Variants in NECAB2 observed in about 807,000 individuals in gnomAD.
NECAB2 encodes N-terminal EF-hand calcium binding protein 2.
In NECAB2, 68 loss-of-function variants were observed where a neutral mutation model predicts 51.9. The observed-to-expected ratio is 1.31, with a 90% CI of 1.08 to 1.60. The LOEUF (loss-of-function observed/expected upper bound fraction) is 1.60. Ranked by LOEUF, NECAB2 falls within the 40% of genes most tolerant of loss-of-function variation. The pLI is 0.00. For synonymous variants in NECAB2, 329 were observed against 203.5 expected, an observed-to-expected ratio of 1.62 and a Z score of -5.25; for missense variants, 854 against 490.3, an observed-to-expected ratio of 1.74 and a Z score of -7.00.
chr16:83,993,893 G>A (rs551393489), intron 6 of NECAB2, among the ~76,000 whole-genome samples: 3 of 152,288 alleles, frequency 2.0e-5, no homozygotes, highest in African/African-American at 7.2e-5. Flanking sequence ...CCACCCCAGA[G>A]GGCACCAAAC....
At chr16:83,996,722 C>T (rs189100296) in intron 8 of NECAB2, among the ~76,000 whole-genome samples, 3 of 152,242 alleles carry the variant, frequency 2.0e-5, no homozygotes, top group Non-Finnish European at 4.4e-5. Flanking sequence ...CCTGTGTGGG[C>T]ACCAGTCGTG....
chr16:83,995,274 C>A (rs142683232), intron 8 of NECAB2, among the ~76,000 whole-genome samples: 45 of 152,242 alleles, frequency 3.0e-4, no homozygotes, highest in African/African-American at 1.0e-3. Context: ...GTCTTAGGGC[C>A]TACAGACAGA....
At chr16:83,994,476 TGA>T in intron 7 of NECAB2, 56 bp downstream of exon 7, 1 of 1,596,160 alleles carries the variant, frequency 6.3e-7, no homozygotes, top group East Asian at 2.2e-5. Flanking sequence ...CGAGGAGTTC[TGA>T]GAGTCCTCTG....
chr16:83,977,402 C>T (rs182956464), intron 2 of NECAB2, among the ~76,000 whole-genome samples: 8 of 152,206 alleles, frequency 5.3e-5, no homozygotes, highest in Admixed American at 1.3e-4. Context: ...GCTTAGGGAC[C>T]GCCTCCCAGA....
At chr16:83,982,111 T>A (rs8047927) in intron 5 of NECAB2, among the ~76,000 whole-genome samples, 41,303 of 152,132 alleles carry the variant, frequency 0.27, 10,451 homozygotes, top group African/African-American at 0.68. Flanking sequence ...AGGACCAAGC[T>A]CGGAGCAAAG....
chr16:83,993,717 TGTATGCACATGA>T (rs1293271294), intron 6 of NECAB2: 5 of 157,630 alleles, frequency 3.2e-5, no homozygotes, highest in Non-Finnish European at 4.2e-5. Flanking sequence ...CGCAGGGGTG[TGTATGCACATGA>T]GTATGCACAG....
At chr16:83,990,342 T>C in intron 5 of NECAB2, 152 bp from the exon 6 acceptor site, 1 of 999,712 alleles carries the variant, frequency 1.0e-6, no homozygotes, top group Non-Finnish European at 1.5e-6. Flanking sequence ...CTACAGCCTC[T>C]AAGACTGGAC....
chr16:83,978,210 T>C (rs2084438499), intron 2 of NECAB2, among the ~76,000 whole-genome samples: 1 of 152,220 alleles, frequency 6.6e-6, no homozygotes, highest in South Asian at 2.1e-4. Flanking sequence ...TGAGGCATGA[T>C]TCTCTGTGTA....
upstream of NECAB2, chr16:83,965,572 G>A (rs751354864): frequency 3.1e-6 from 5 of 1,612,970 alleles, no homozygotes; most frequent in African/African-American, 2.7e-5. Context: ...CCAAGATGCT[G>A]TACCCCGAGT....
At chr16:84,000,594 T>G in intron 10 of NECAB2, 130 bp from the exon 11 acceptor site, 1 of 665,754 alleles carries the variant, frequency 1.5e-6, no homozygotes, top group Non-Finnish European at 2.6e-6. Context: ...TCGATGGAGG[T>G]CAAGACAGGA....
At chr16:83,969,619 C>T (rs924940025) in intron 1 of NECAB2, among the ~76,000 whole-genome samples, 2 of 152,122 alleles carry the variant, frequency 1.3e-5, no homozygotes, top group Admixed American at 6.5e-5. Flanking sequence ...CTGGGAAGCC[C>T]ACCTCACCCT....
chr16:83,983,317 G>A (rs1231499057), intron 5 of NECAB2, among the ~76,000 whole-genome samples: 3 of 152,112 alleles, frequency 2.0e-5, no homozygotes, highest in African/African-American at 4.8e-5. Context: ...ATTCTAACAC[G>A]TGCCCCTCTT....
chr16:83,986,785 A>C (rs2084562790), intron 5 of NECAB2, among the ~76,000 whole-genome samples: 1 of 151,902 alleles, frequency 6.6e-6, no homozygotes, highest in South Asian at 2.1e-4. Flanking sequence ...GGCTTGTCCA[A>C]GTGCTGGGAT....
chr16:83,981,637 A>G (rs974577547), intron 5 of NECAB2, among the ~76,000 whole-genome samples: 4 of 152,166 alleles, frequency 2.6e-5, no homozygotes, highest in Non-Finnish European at 4.4e-5. Flanking sequence ...GGTGAACTCA[A>G]CAGAGTCACA....
intron 10 of NECAB2, among the ~76,000 whole-genome samples, chr16:83,999,892 G>T (rs530311891): frequency 7.6e-6 from 1 of 131,498 alleles, no homozygotes; most frequent in Non-Finnish European, 1.5e-5. Flanking sequence ...ATTTTTAAAG[G>T]TTTTTTGAGA....
chr16:83,991,681 C>A (rs1254561958), intron 6 of NECAB2, among the ~76,000 whole-genome samples: 4 of 151,970 alleles, frequency 2.6e-5, no homozygotes, highest in African/African-American at 9.7e-5. Context: ...CAGAATCTTG[C>A]TGTGTCCCCC....
chr16:83,981,210 TGAA>T, intron 5 of NECAB2, 83 bp downstream of exon 5: 1 of 1,308,264 alleles, frequency 7.6e-7, no homozygotes, highest in Non-Finnish European at 1.1e-6. Context: ...CCTGGATTTT[TGAA>T]GACAGGCCGC....
intron 2 of NECAB2, among the ~76,000 whole-genome samples, chr16:83,975,858 C>T (rs1468624754): frequency 6.6e-6 from 1 of 152,160 alleles, no homozygotes; most frequent in Non-Finnish European, 1.5e-5. Flanking sequence ...AAAGTGCCAG[C>T]GCGGGCCCGC....
chr16:83,980,799 CTCTGTCTCTG>C (rs1476688632), intron 3 of NECAB2, 30 bp from the exon 4 acceptor site: 17 of 1,556,690 alleles, frequency 1.1e-5, no homozygotes, highest in African/African-American at 2.7e-5. Flanking sequence ...CTAACCCCCT[CTCTGTCTCTG>C]TCTGTCTCTG....
Sources: gnomAD v4.1 joint callset for allele counts (sites outside exome capture counted in the v4.1 genomes callset) on GRCh38, gnomAD v4.1.1 for gene constraint, MANE v1.5 for transcripts, NCBI Gene and HGNC (gene_info 2026-07-23, HGNC 2026-07-21) for gene names.